Variants in C3orf62 observed in about 807,000 individuals in gnomAD.
C3orf62 encodes the protein chromosome 3 open reading frame 62.
In C3orf62, 16 loss-of-function variants were observed where a neutral mutation model predicts 21.7. That is an observed-to-expected ratio of 0.74 (90% CI 0.50 to 1.12). C3orf62 has a LOEUF of 1.12. C3orf62 is among the 50% of genes most tolerant of loss of function. The probability of loss-of-function intolerance (pLI) is 0.00; values close to 1 mark genes in which losing one functional copy is unlikely to be tolerated. For missense variants in C3orf62, 310 were observed against 318.8 expected, an observed-to-expected ratio of 0.97 and a Z score of 0.21; for synonymous variants, 114 against 117.0, an observed-to-expected ratio of 0.97 and a Z score of 0.17.
At chr3:49,273,147 C>T (rs767669428) in intron 2 of C3orf62, among the ~76,000 whole-genome samples, 7 of 152,116 alleles carry the variant, frequency 4.6e-5, no homozygotes, top group Non-Finnish European at 7.4e-5. Flanking sequence ...GTGTTTTGGC[C>T]GGGAGTGGTG....
Position 49,271,201 on chromosome 3 carries a change from A to G in C3orf62, c.783T>C (p.Ser261=). The change falls in exon 3 of 3, where the codon TCT becomes TCC. Residue 261 remains serine (S), a synonymous_variant. Transcript: ENST00000343010. ...DLEEDYNVMT[S]FKYQIE ...GTCCTTACTCAATTTGGTATTTAAA[A>G]GACGTCATCACATTGTAGTCCTCTT... 2.5e-6 allele frequency: 4 copies of G among 1,612,808 alleles called. No individual in the cohort carries two copies. The highest frequency in any genetic ancestry group is 3.4e-6 in the Non-Finnish European group (4 of 1,178,916).
At chr3:49,274,183 A>T in intron 1 of C3orf62, 43 bp from the exon 2 acceptor site, 2 of 1,447,468 alleles carry the variant, frequency 1.4e-6, no homozygotes, top group Non-Finnish European at 1.9e-6. Context: ...GGGGAATTAG[A>T]TTCTCTTTCA....
chr3:49,274,330 A>G (rs1414440492), intron 1 of C3orf62, 190 bp from the exon 2 acceptor site: 6 of 565,786 alleles, frequency 1.1e-5, no homozygotes, highest in Admixed American at 3.0e-5. Flanking sequence ...CAGCTTTACC[A>G]TAATGACTCA....
At position 49,276,505 on chromosome 3, in the gene C3orf62, T is replaced by C. The variant is rs932238894; in HGVS notation, c.368A>G (p.His123Arg). 2.0e-5 allele frequency: 33 copies of C among 1,614,238 alleles called. No individual in the cohort carries two copies. The African/African-American group carries it at 2.5e-4, about 12-fold the overall frequency. Residue 123 changes from histidine to arginine, a missense_variant, in exon 1 of 3, where the codon CAT (histidine) becomes CGT (arginine). Physicochemically the swap from His to Arg is conservative, Grantham distance 29. Coordinates refer to ENST00000343010, the MANE Select transcript of C3orf62 (RefSeq NM_198562.3). ...TCTTTCAGGTGCCAAAATGGAGGAA[T>C]GCATCAATACATTTTCCTTGCTGGT... The part of the protein sequence containing the change: ...PLTSKENVLM[H>R]SSILAPERES...
Position 49,277,055 on chromosome 3 carries a change from ACG to A in C3orf62, c.-185_-184del. On this transcript the variant is annotated 5_prime_UTR_variant, in exon 1 of 3. It removes the in-frame stop codon of an upstream open reading frame in the 5' UTR. Coordinates refer to ENST00000343010, the MANE Select transcript of C3orf62 (RefSeq NM_198562.3). ...CCGCCATCTGCCAGAAGCCCCAAAG[ACG>A]CCCCGCCCCACTTCCCACAGCTTCC... 1 of 1,473,194 alleles carries A rather than the reference ACG, an allele frequency of 6.8e-7. No homozygotes were observed. The allele number at this position is 1,473,194 out of a possible 1,614,324, so 91.3% of individuals were successfully genotyped here. A position where few individuals can be genotyped will look rare whatever the true frequency, so the allele number is the denominator to read the frequency against.
At position 49,276,762 on chromosome 3, in the gene C3orf62, A is replaced by G; in HGVS notation, c.111T>C (p.Tyr37=). Residue 37 remains tyrosine (Y), a synonymous_variant, in exon 1 of 3, where the codon TAT becomes TAC. Transcript: ENST00000343010. ...TCTGCTGGCCTGTGCACTCCTGGGA[A>G]TAACTAACTCCTTCAAAGGCCCGGT... ...AIDRAFEGVS[Y]SQECTGQQRL... The G allele has an allele frequency of 6.2e-7, 1 of 1,614,162 alleles. No homozygotes were observed. The highest frequency in any genetic ancestry group is 1.1e-5 in the South Asian group (1 of 91,084).
chr3:49,273,164 G>T (rs927865590), intron 2 of C3orf62, among the ~76,000 whole-genome samples: 1 of 152,190 alleles, frequency 6.6e-6, no homozygotes, highest in Non-Finnish European at 1.5e-5. Flanking sequence ...GGTGGCTCTT[G>T]CCTGATCCCA....
chr3:49,274,398 T>C (rs529807083), intron 1 of C3orf62: 1 of 378,826 alleles, frequency 2.6e-6, no homozygotes, highest in African/African-American at 2.1e-5. Context: ...TTTAGCCATG[T>C]TGCCCAGGCT....
rs1192450199 is a variant in C3orf62, at chr3:49,276,638, AAGG to A, written c.232_234del (p.Pro78del). On this transcript the variant is annotated inframe_deletion, in exon 1 of 3. Coordinates refer to ENST00000343010, the MANE Select transcript of C3orf62 (RefSeq NM_198562.3). ...TCAGGAGCACATGGGACAGCAGCAAAAGGAGCAGCAGAAGAGCAGGCTGCCAGA... is the reference window on the plus strand; with the variant it reads ...TCAGGAGCACATGGGACAGCAGCAAAAGCAGCAGAAGAGCAGGCTGCCAGA... The A allele has an allele frequency of 6.2e-7, 1 of 1,614,202 alleles. No homozygotes were observed. The highest frequency in any genetic ancestry group is 1.1e-5 in the South Asian group (1 of 91,082).
At position 49,275,519 on chromosome 3, in the gene C3orf62, G is replaced by GTTTTTTTTTTTTTTT. The variant is rs59375945; in HGVS notation, c.446+893_446+907dup. Among the ~76,000 whole-genome samples the GTTTTTTTTTTTTTTT allele has an allele frequency of 5.8e-5, 4 of 69,292 alleles. 1 individual carries two copies. The highest frequency in any genetic ancestry group is 7.5e-5 in the Non-Finnish European group (3 of 39,744). 45.5% of individuals were successfully genotyped at this position (69,292 alleles called of 152,430 possible). On this transcript the variant is annotated intron_variant, in intron 1 of 2. Transcript: ENST00000343010. ...GCAGCCAAGATGGCAGAACTTTGAA[G>GTTTTTTTTTTTTTTT]TTTTTTTTTTTTTTTTTTTTTTTTT...
At position 49,269,618 on chromosome 3, in the gene C3orf62, C is replaced by A. The variant is rs921489335; in HGVS notation, c.*1562G>T. Reference sequence around the variant, plus strand: ...TGTGAATGCTTTGTGCTACCTCCTGCAGGGTCTGAGTGGTAGGTGGCCTGG... The same window carrying A: ...TGTGAATGCTTTGTGCTACCTCCTGAAGGGTCTGAGTGGTAGGTGGCCTGG... On this transcript the variant is annotated 3_prime_UTR_variant, in exon 3 of 3. Coordinates refer to ENST00000343010, the MANE Select transcript of C3orf62 (RefSeq NM_198562.3). 2 of 152,256 alleles carry A rather than the reference C, an allele frequency of 1.3e-5. No homozygotes were observed. The highest frequency in any genetic ancestry group is 2.4e-5 in the African/African-American group (1 of 41,462). 9.4% of individuals were successfully genotyped at this position (152,256 alleles called of 1,614,324 possible).
At position 49,276,677 on chromosome 3, in the gene C3orf62, T is replaced by C. The variant is rs61749309; in HGVS notation, c.196A>G (p.Arg66Gly). 22,518 of 1,614,188 alleles carry C rather than the reference T, an allele frequency of 0.014. 373 individuals carry two copies. Among genetic ancestry groups the C allele is most frequent in the Middle Eastern group, 0.062 (375 of 6,062 alleles). The change falls in exon 1 of 3, where the codon AGA (arginine) becomes GGA (glycine). Residue 66 changes from arginine to glycine, a missense_variant. By Grantham distance (125) the Arg-to-Gly change is moderately radical. Coordinates refer to ENST00000343010, the MANE Select transcript of C3orf62 (RefSeq NM_198562.3). ...GAGCAGGCTGCCAGAGGATGTCTTCTGCAGAGGAGCCTGTGCACGGGCAGC... is the reference window on the plus strand; with the variant it reads ...GAGCAGGCTGCCAGAGGATGTCTTCCGCAGAGGAGCCTGTGCACGGGCAGC... ...FSLPVHRLLC[R>G]RHPLAACSSA...
At chr3:49,273,606 A>T (rs912572204) in intron 2 of C3orf62, among the ~76,000 whole-genome samples, 1 of 151,900 alleles carries the variant, frequency 6.6e-6, no homozygotes, top group South Asian at 2.1e-4. Context: ...ATTAAAAAAA[A>T]TTTTAAGAGA....
At chr3:49,275,954 G>GT (rs2046955320) in intron 1 of C3orf62, among the ~76,000 whole-genome samples, 1 of 152,018 alleles carries the variant, frequency 6.6e-6, no homozygotes, top group Non-Finnish European at 1.5e-5. Context: ...AAGATCTGGG[G>GT]TAAGAGCGGG....
In C3orf62 at chr3:49,276,602, G is replaced by C. The variant is rs2046962289; in HGVS notation, c.271C>G (p.Pro91Ala). 6.2e-7 allele frequency: 1 copy of C among 1,614,176 alleles called. No individual in the cohort carries two copies. Among genetic ancestry groups the C allele is most frequent in the Admixed American group, 1.7e-5 (1 of 60,022 alleles). ...GGGGCATGGTTTGTTGCAAAGGCAG[G>C]GTTCTCATTCTCAGGAGCACATGGG... ...AVPCAPENEN[P>A]AFATNHAPVN... Residue 91 changes from proline (P) to alanine (A), a missense_variant, in exon 1 of 3, where the codon CCT (proline) becomes GCT (alanine). Coordinates refer to ENST00000343010, the MANE Select transcript of C3orf62 (RefSeq NM_198562.3).
At chr3:49,275,632 G>A (rs1238118905) in intron 1 of C3orf62, among the ~76,000 whole-genome samples, 2 of 138,334 alleles carry the variant, frequency 1.4e-5, no homozygotes, top group Non-Finnish European at 3.0e-5. Flanking sequence ...CCGGGTTCAT[G>A]CCATTCTCCT....
rs567953944 is a variant in C3orf62, at chr3:49,274,713, T to C, written c.447-573A>G. 2.2e-4 allele frequency among the ~76,000 whole-genome samples: 32 copies of C among 143,174 alleles called. No individual in the cohort carries two copies. In the East Asian group the frequency reaches 5.0e-3, roughly 22 times the overall value. 93.9% of individuals were successfully genotyped at this position (143,174 alleles called of 152,430 possible). A position where few individuals can be genotyped will look rare whatever the true frequency, so the allele number is the denominator to read the frequency against. The stretch of plus-strand genomic sequence containing the variant: ...CTAATTTTTGTATTTTTAGTAGAGA[T>C]GGGGGTTTCACCATGTTGGCCAGGC... On this transcript the variant is annotated intron_variant, in intron 1 of 2. Transcript: ENST00000343010.
chr3:49,272,435 T>C (rs939420910), intron 2 of C3orf62, among the ~76,000 whole-genome samples: 1 of 151,582 alleles, frequency 6.6e-6, no homozygotes, highest in African/African-American at 2.4e-5. Context: ...AGAAAAAAAG[T>C]CTGACAGGAT....
intron 1 of C3orf62, 76 bp from the exon 2 acceptor site, chr3:49,274,216 AG>A: frequency 1.8e-6 from 2 of 1,136,402 alleles, no homozygotes; most frequent in East Asian, 4.8e-5. Context: ...AGGGAAACTC[AG>A]TTTTAGATAA....
Sources: gnomAD v4.1 joint callset for allele counts (sites outside exome capture counted in the v4.1 genomes callset) on GRCh38, gnomAD v4.1.1 for gene constraint, MANE v1.5 for transcripts, NCBI Gene and HGNC (gene_info 2026-07-23, HGNC 2026-07-21) for gene names.